The following RORA variants were observed in gnomAD, a reference collection of about 807,000 sequenced individuals.
RORA encodes nuclear receptor ROR-alpha.
RORA carries 7 observed loss-of-function variants against 69.5 expected under a neutral mutation model. The ratio of observed to expected loss-of-function variants is 0.10; its 90% CI spans 0.06 to 0.19. RORA has a LOEUF of 0.19. Ranked by LOEUF, RORA falls within the 10% of genes least tolerant of loss-of-function variation. The pLI, the probability that RORA is intolerant of heterozygous loss-of-function variation, is 1.00. For synonymous variants in RORA, 261 were observed against 240.8 expected (o/e 1.08, Z -0.78); for missense variants, 457 against 663.0 (o/e 0.69, Z 3.41).
At chr15:60,871,164 G>C (rs1438113973) in intron 1 of RORA, among the ~76,000 whole-genome samples, 1 of 152,170 alleles carries the variant, frequency 6.6e-6, no homozygotes, top group Admixed American at 6.5e-5. Context: ...AAAGGAGATG[G>C]GTTGGAGATA....
chr15:60,981,454 T>C (rs989430399), intron 1 of RORA, among the ~76,000 whole-genome samples: 5 of 152,150 alleles, frequency 3.3e-5, no homozygotes, highest in Admixed American at 3.3e-4. Flanking sequence ...ATGGGCTTAA[T>C]GTCCTCCGGT....
At chr15:60,505,416 T>G (rs1303135015) in intron 6 of RORA, 92 bp downstream of exon 6, 2 of 1,221,294 alleles carry the variant, frequency 1.6e-6, no homozygotes, top group African/African-American at 1.5e-5. Context: ...CATTCATTCT[T>G]TAGTCTGTGT....
At chr15:61,087,083 C>A (rs2078636634) in intron 1 of RORA, among the ~76,000 whole-genome samples, 1 of 152,082 alleles carries the variant, frequency 6.6e-6, no homozygotes, top group South Asian at 2.1e-4. Context: ...AGGTGGGAGG[C>A]TTGCTTGAGC....
chr15:60,692,660 C>T (rs535546180), intron 1 of RORA, among the ~76,000 whole-genome samples: 1 of 152,328 alleles, frequency 6.6e-6, no homozygotes, highest in South Asian at 2.1e-4. Flanking sequence ...GTTGGTAAGG[C>T]TGAATCTGGG....
chr15:60,655,668 A>G (rs56999424), intron 2 of RORA, among the ~76,000 whole-genome samples: 23,589 of 151,856 alleles, frequency 0.16, 2,056 homozygotes, highest in Middle Eastern at 0.27. Flanking sequence ...TACTACTTCT[A>G]CCTTCTCTGT....
At position 60,844,824 on chromosome 15, in the gene RORA, C is replaced by T. The variant is rs1226512940; in HGVS notation, c.167-166138G>A. ...CAAAGCTATTGGCTCCAGGGCTACA[C>T]TTGGGGAAACAATTCTTTGAGATAA... On this transcript the variant is annotated intron_variant, in intron 1 of 10. Coordinates refer to ENST00000335670, the MANE Select transcript of RORA (RefSeq NM_134261.3). Among the ~76,000 whole-genome samples the T allele has an allele frequency of 5.9e-5, 9 of 152,186 alleles. No homozygotes were observed. In the East Asian group the frequency reaches 1.7e-3, roughly 29 times the overall value.
At chr15:61,200,336 A>AGGCCATCCAG (rs1403481986) in intron 1 of RORA, among the ~76,000 whole-genome samples, 15 of 152,290 alleles carry the variant, frequency 9.8e-5, no homozygotes, top group Admixed American at 6.5e-4. Flanking sequence ...GGGTGTTGAG[A>AGGCCATCCAG]GGCCATCCAG....
chr15:60,805,860 C>G (rs2072653014), intron 1 of RORA, among the ~76,000 whole-genome samples: 1 of 152,164 alleles, frequency 6.6e-6, no homozygotes. Flanking sequence ...TTTTATAGCT[C>G]TATAATATGG....
At chr15:61,109,407 G>T (rs1183789272) in intron 1 of RORA, among the ~76,000 whole-genome samples, 1 of 152,106 alleles carries the variant, frequency 6.6e-6, no homozygotes, top group Admixed American at 6.5e-5. Context: ...AAGGCCACGG[G>T]ATTTATCCTG....
At chr15:61,201,622 G>A (rs1397384719) in intron 1 of RORA, among the ~76,000 whole-genome samples, 1 of 152,122 alleles carries the variant, frequency 6.6e-6, no homozygotes, top group Non-Finnish European at 1.5e-5. Flanking sequence ...ATTAACTAAA[G>A]TGCTTAGTAA....
intron 1 of RORA, among the ~76,000 whole-genome samples, chr15:61,178,797 A>G (rs1299360086): frequency 6.6e-6 from 1 of 152,246 alleles, no homozygotes; most frequent in Non-Finnish European, 1.5e-5. Context: ...ACAACCTAGC[A>G]GGAGACAACT....
rs117196246 is a variant in RORA at position 61,028,223 on chromosome 15, T to C, written c.166+200830A>G. ...TTTTGCAACTTAATTCCAATAAATA[T>C]ATAAAATAAATGCTGAATTCTATTA... is the stretch of plus-strand genomic sequence containing the variant. On this transcript the variant is annotated intron_variant, in intron 1 of 10. Coordinates refer to ENST00000335670, the MANE Select transcript of RORA (RefSeq NM_134261.3). 2.0e-4 allele frequency among the ~76,000 whole-genome samples: 31 copies of C among 152,256 alleles called. No homozygotes were observed. The East Asian group carries it at 5.6e-3, about 27-fold the overall frequency.
At chr15:61,042,930 G>A (rs1303521737) in intron 1 of RORA, among the ~76,000 whole-genome samples, 4 of 152,196 alleles carry the variant, frequency 2.6e-5, no homozygotes, top group Admixed American at 1.3e-4. Flanking sequence ...GGGGTATGTG[G>A]ATAGCAGAGA....
At chr15:60,509,414 C>T (rs2065619106) in intron 5 of RORA, among the ~76,000 whole-genome samples, 2 of 152,206 alleles carry the variant, frequency 1.3e-5, no homozygotes, top group African/African-American at 4.8e-5. Context: ...GGCTCCCAGA[C>T]TGCACTGGAA....
At chr15:60,729,717 G>T (rs1204814666) in intron 1 of RORA, among the ~76,000 whole-genome samples, 2 of 152,208 alleles carry the variant, frequency 1.3e-5, no homozygotes, top group Non-Finnish European at 2.9e-5. Flanking sequence ...AAATGGCATT[G>T]AATCCAACCC....
At chr15:61,007,226 G>A (rs890832303) in intron 1 of RORA, among the ~76,000 whole-genome samples, 9 of 152,176 alleles carry the variant, frequency 5.9e-5, no homozygotes, top group Non-Finnish European at 4.4e-5. Flanking sequence ...AAGGTAGGTG[G>A]TTGGTTGTTT....
intron 2 of RORA, among the ~76,000 whole-genome samples, chr15:60,671,083 T>G (rs2070459031): frequency 6.9e-6 from 1 of 144,948 alleles, no homozygotes; most frequent in South Asian, 2.2e-4. Flanking sequence ...TATATATATA[T>G]ATATATATAT....
intron 2 of RORA, among the ~76,000 whole-genome samples, chr15:60,562,830 G>A (rs1028917605): frequency 6.6e-6 from 1 of 152,124 alleles, no homozygotes; most frequent in South Asian, 2.1e-4. Context: ...TCCTGCCTCA[G>A]ACTCCCAAAG....
chr15:60,915,556 T>A (rs969302969), intron 1 of RORA, among the ~76,000 whole-genome samples: 1 of 152,184 alleles, frequency 6.6e-6, no homozygotes, highest in African/African-American at 2.4e-5. Flanking sequence ...CACAGTACAG[T>A]ACGTTCACCA....
Sources: allele counts gnomAD v4.1 joint callset (sites outside exome capture counted in the v4.1 genomes callset), GRCh38; gene constraint gnomAD v4.1.1; transcripts MANE v1.5; gene names NCBI Gene and HGNC (gene_info 2026-07-23, HGNC 2026-07-21).